Variants in MALT1 observed in about 807,000 individuals in gnomAD.
MALT1 encodes MALT1 paracaspase.
In MALT1, 36 loss-of-function variants were observed where a neutral mutation model predicts 85.5. The observed-to-expected ratio is 0.42, with a 90% confidence interval of 0.32 to 0.56. MALT1 has a LOEUF of 0.56. MALT1 is among the 20% of genes least tolerant of loss of function. MALT1 has a pLI of 0.10. For synonymous variants in MALT1, 359 were observed against 361.3 expected, an observed-to-expected ratio of 0.99 and a Z score of 0.07; for missense variants, 716 against 981.6, an observed-to-expected ratio of 0.73 and a Z score of 3.62.
chr18:58,741,180 T>C (rs547941122), intron 13 of MALT1, among the ~76,000 whole-genome samples: 3 of 152,188 alleles, frequency 2.0e-5, no homozygotes, highest in Non-Finnish European at 2.9e-5. Context: ...ATATAACAGA[T>C]TGTTTAAAAT....
intron 13 of MALT1, among the ~76,000 whole-genome samples, chr18:58,737,729 C>G (rs1166344623): frequency 9.9e-5 from 15 of 152,072 alleles, no homozygotes; most frequent in Admixed American, 9.8e-4. Flanking sequence ...ACTAAAGGCA[C>G]ACACCACCAC....
At chr18:58,744,241 T>A in intron 14 of MALT1, 97 bp from the exon 15 acceptor site, 1 of 764,024 alleles carries the variant, frequency 1.3e-6, no homozygotes, top group Non-Finnish European at 2.1e-6. Context: ...AAATCATGTT[T>A]TTAAGCAAAA....
chr18:58,725,866 G>A (rs2055048023), intron 10 of MALT1, among the ~76,000 whole-genome samples: 1 of 152,170 alleles, frequency 6.6e-6, no homozygotes, highest in South Asian at 2.1e-4. Flanking sequence ...TTCGAGACCA[G>A]CCTGGCCAAC....
At chr18:58,747,235 C>T (rs1330611862) in intron 16 of MALT1, among the ~76,000 whole-genome samples, 170 bp from the exon 17 acceptor site, 3 of 152,080 alleles carry the variant, frequency 2.0e-5, no homozygotes, top group African/African-American at 7.2e-5. Context: ...ATAATGATAG[C>T]TGGCGTTTCT....
chr18:58,700,865 C>T (rs2054661995), intron 4 of MALT1, among the ~76,000 whole-genome samples: 1 of 151,974 alleles, frequency 6.6e-6, no homozygotes, highest in South Asian at 2.1e-4. Flanking sequence ...GATCTCAGCT[C>T]ACTGCAACTT....
Position 58,696,391 on chromosome 18 carries a change from G to A in MALT1, c.402G>A (p.Glu134=). Residue 134 remains glutamate, a synonymous_variant, in exon 3 of 17, where the codon GAG becomes GAA. Coordinates refer to ENST00000649217, the MANE Select transcript of MALT1 (RefSeq NM_006785.4). ...GAATAAAGATTACTGTAAACCCAGA[G>A]TCAAAGGCAGTCTTGGCTGGACAGT... ...PPGIKITVNP[E]SKAVLAGQFV... is the part of the protein sequence containing the mutation. 2 of 1,363,456 alleles carry A rather than the reference G, an allele frequency of 1.5e-6. No homozygotes were observed. The highest frequency in any genetic ancestry group is 1.3e-5 in the South Asian group (1 of 76,602). The allele number at this position is 1,363,456 out of a possible 1,614,324, so 84.5% of individuals were successfully genotyped here. A position where few individuals can be genotyped will look rare whatever the true frequency, so the allele number is the denominator to read the frequency against.
At position 58,700,608 on chromosome 18, in the gene MALT1, G is replaced by A. The variant is rs1313648762; in HGVS notation, c.649+17G>A. The A allele has an allele frequency of 1.9e-6, 3 of 1,572,640 alleles. No homozygotes were observed. Among genetic ancestry groups the A allele is most frequent in the South Asian group, 2.4e-5 (2 of 83,090 alleles). On this transcript the variant is annotated intron_variant, in intron 4 of 16. Coordinates refer to ENST00000649217, the MANE Select transcript of MALT1 (RefSeq NM_006785.4). ...GCTTCCAGAGTAAGTAACGAAAGAAGCTGAATGTTGGGATGGGGATTCCCC... is the reference window on the plus strand; with the variant it reads ...GCTTCCAGAGTAAGTAACGAAAGAAACTGAATGTTGGGATGGGGATTCCCC...
intron 4 of MALT1, among the ~76,000 whole-genome samples, chr18:58,703,721 G>A (rs1023666863): frequency 6.6e-6 from 1 of 152,144 alleles, no homozygotes; most frequent in African/African-American, 2.4e-5. Context: ...TCAACATGTG[G>A]GGATTACAGT....
chr18:58,725,921 C>A (rs182353728), intron 10 of MALT1, among the ~76,000 whole-genome samples: 8 of 151,994 alleles, frequency 5.3e-5, no homozygotes, highest in Non-Finnish European at 7.4e-5. Context: ...ATTAGCCCAG[C>A]GTGATGGTGG....
In MALT1 at chr18:58,723,146, C is replaced by T; in HGVS notation, c.1117C>T (p.Leu373=). The T allele has an allele frequency of 1.2e-6, 2 of 1,613,960 alleles. No homozygotes were observed. Among genetic ancestry groups the T allele is most frequent in the South Asian group, 2.2e-5 (2 of 91,082 alleles). The change falls in exon 10 of 17, where the codon CTG becomes TTG. Residue 373 remains leucine, a synonymous_variant. Coordinates refer to ENST00000649217, the MANE Select transcript of MALT1 (RefSeq NM_006785.4). ...GGATGTGTACGAATTGACTAACTTACTGAGACAGCTGGACTTCAAAGTGGT... is the reference window on the plus strand; with the variant it reads ...GGATGTGTACGAATTGACTAACTTATTGAGACAGCTGGACTTCAAAGTGGT... ...LVDVYELTNL[L]RQLDFKVVSL...
intron 8 of MALT1, among the ~76,000 whole-genome samples, chr18:58,714,424 A>G (rs532443497): frequency 5.3e-5 from 8 of 152,182 alleles, no homozygotes; most frequent in Non-Finnish European, 8.8e-5. Flanking sequence ...GTGACCTTTA[A>G]TCTGAAAGCA....
intron 13 of MALT1, among the ~76,000 whole-genome samples, chr18:58,737,683 A>C (rs2055243156): frequency 6.6e-6 from 1 of 152,178 alleles, no homozygotes. Flanking sequence ...CCCAGGTTCA[A>C]GTGATCCTCT....
In MALT1 at chr18:58,750,169, A is replaced by G. The variant is rs2055427872; in HGVS notation, c.*2327A>G. 1 of 177,910 alleles carries G rather than the reference A, an allele frequency of 5.6e-6. No individual in the cohort carries two copies. Among genetic ancestry groups the G allele is most frequent in the African/African-American group, 2.4e-5 (1 of 42,298 alleles). 11.0% of individuals were successfully genotyped at this position (177,910 alleles called of 1,614,324 possible). A position where few individuals can be genotyped will look rare whatever the true frequency, so the allele number is the denominator to read the frequency against. ...GATACAAGATCAGTTTTATTTCTCT[A>G]CTAACAGCAAACATTCTGAAAATGA... On this transcript the variant is annotated 3_prime_UTR_variant, in exon 17 of 17. Coordinates refer to ENST00000649217, the MANE Select transcript of MALT1 (RefSeq NM_006785.4).
intron 1 of MALT1, among the ~76,000 whole-genome samples, chr18:58,680,124 C>T (rs1030300769): frequency 6.6e-6 from 1 of 152,088 alleles, no homozygotes; most frequent in African/African-American, 2.4e-5. Flanking sequence ...ACTGTCTTAC[C>T]CTCTGTGAGG....
intron 10 of MALT1, among the ~76,000 whole-genome samples, chr18:58,726,019 C>T (rs2055050079): frequency 6.6e-6 from 1 of 152,134 alleles, no homozygotes; most frequent in African/African-American, 2.4e-5. Flanking sequence ...CAAGATCATG[C>T]CACTGCACTC....
chr18:58,725,670 A>G (rs1303762951), intron 10 of MALT1, among the ~76,000 whole-genome samples: 2 of 152,222 alleles, frequency 1.3e-5, no homozygotes, highest in Admixed American at 1.3e-4. Context: ...TTAAAGATTG[A>G]GGGAATCATA....
At chr18:58,713,250 A>G (rs1231496189) in intron 7 of MALT1, among the ~76,000 whole-genome samples, 1 of 152,196 alleles carries the variant, frequency 6.6e-6, no homozygotes, top group Admixed American at 6.5e-5. Context: ...TTATCTTCAT[A>G]AAACTTGAAA....
chr18:58,709,633 A>G, intron 5 of MALT1, 77 bp downstream of exon 5: 2 of 1,155,662 alleles, frequency 1.7e-6, no homozygotes, highest in East Asian at 5.1e-5. Context: ...TAAGGTGAAC[A>G]TTAAAACTCA....
chr18:58,727,628 G>GTTTTTTTTTT (rs74183292), intron 10 of MALT1, among the ~76,000 whole-genome samples: 21 of 130,648 alleles, frequency 1.6e-4, no homozygotes, highest in African/African-American at 6.3e-4. Context: ...TTTTTTTTTT[G>GTTTTTTTTTT]TTTTTTTTTT....
Sources: gnomAD v4.1 joint callset for allele counts (sites outside exome capture counted in the v4.1 genomes callset) on GRCh38, gnomAD v4.1.1 for gene constraint, MANE v1.5 for transcripts, NCBI Gene and HGNC (gene_info 2026-07-23, HGNC 2026-07-21) for gene names.